The following DPYSL2 variants were observed in gnomAD, a reference collection of about 807,000 sequenced individuals.
DPYSL2 encodes dihydropyrimidinase-related protein 2.
Under a neutral mutation model 69.9 loss-of-function variants are expected in DPYSL2, and 13 were observed. The ratio of observed to expected loss-of-function variants is 0.19; its 90% CI spans 0.12 to 0.30. The LOEUF (loss-of-function observed/expected upper bound fraction) is 0.30. DPYSL2 is among the 10% of genes least tolerant of loss of function. DPYSL2 has a pLI of 1.00. For missense variants in DPYSL2, 587 were observed against 918.9 expected, an observed-to-expected ratio of 0.64 and a Z score of 4.67; for synonymous variants, 326 against 359.1, an observed-to-expected ratio of 0.91 and a Z score of 1.04.
Position 26,648,938 on chromosome 8 carries a change from G to C in DPYSL2, c.1596+1138G>C, listed in dbSNP as rs1381608027. Among the ~76,000 whole-genome samples, 1 of 152,210 alleles carries C rather than the reference G, an allele frequency of 6.6e-6. No homozygotes were observed. Among genetic ancestry groups the C allele is most frequent in the African/African-American group, 2.4e-5 (1 of 41,464 alleles). ...CTCCCTCTCCCACCACCACTCACTGGCTCAGCCTGGCAGCGCAGCCTTATG... is the reference window on the plus strand; with the variant it reads ...CTCCCTCTCCCACCACCACTCACTGCCTCAGCCTGGCAGCGCAGCCTTATG... On this transcript the variant is annotated intron_variant, in intron 11 of 13. Coordinates refer to ENST00000521913, the MANE Select transcript of DPYSL2 (RefSeq NM_001197293.3). This position sits in a 1 kb window ranked among gnomAD's most constrained non-coding sequence, Gnocchi z 4.3.
At chr8:26,528,879 T>C (rs1800430297) in intron 1 of DPYSL2, among the ~76,000 whole-genome samples, 1 of 151,954 alleles carries the variant, frequency 6.6e-6, no homozygotes, top group Non-Finnish European at 1.5e-5. Flanking sequence ...TTGGATAACA[T>C]TGATGGGCCC....
At position 26,657,685 on chromosome 8, in the gene DPYSL2, A is replaced by G. The variant is rs1381521574; in HGVS notation, c.*1979A>G. ...AACAATTTTTGTTTCAATTCTAAGA[A>G]ACACTTGCAGCTCTAGTATTCACTT... On this transcript the variant is annotated 3_prime_UTR_variant, in exon 14 of 14. Transcript: ENST00000521913. The G allele has an allele frequency of 6.6e-6, 1 of 152,630 alleles. No individual in the cohort carries two copies. Among genetic ancestry groups the G allele is most frequent in the African/African-American group, 2.4e-5 (1 of 41,454 alleles). 9.5% of individuals were successfully genotyped at this position (152,630 alleles called of 1,614,324 possible). A position where few individuals can be genotyped will look rare whatever the true frequency, so the allele number is the denominator to read the frequency against.
At position 26,621,445 on chromosome 8, in the gene DPYSL2, C is replaced by T. The variant is rs978975979; in HGVS notation, c.629-2698C>T. On this transcript the variant is annotated intron_variant, in intron 3 of 13. Coordinates refer to ENST00000521913, the MANE Select transcript of DPYSL2 (RefSeq NM_001197293.3). The surrounding 1 kb of genome is among the most constrained non-coding windows in gnomAD (Gnocchi z 4.9). ...AGCTGGTCCGGTTCCCAGGAGAGCC[C>T]CTCCTTTGCTGCTTGACCTGATTGC... 6.6e-6 allele frequency among the ~76,000 whole-genome samples: 1 copy of T among 152,284 alleles called. No homozygotes were observed. Among genetic ancestry groups the T allele is most frequent in the Admixed American group, 6.5e-5 (1 of 15,290 alleles).
At chr8:26,629,045 A>T (rs1407200811) in intron 7 of DPYSL2, among the ~76,000 whole-genome samples, 1 of 152,146 alleles carries the variant, frequency 6.6e-6, no homozygotes, top group Admixed American at 6.5e-5. Context: ...AGGGGAAGGG[A>T]TGAGGCTGGA....
Position 26,514,418 on chromosome 8 carries a change from G to A in DPYSL2, c.93G>A (p.Arg31=). 1.3e-6 allele frequency: 2 copies of A among 1,518,208 alleles called. No homozygotes were observed. The highest frequency in any genetic ancestry group is 2.6e-5 in the East Asian group (1 of 38,706). 94.0% of individuals were successfully genotyped at this position (1,518,208 alleles called of 1,614,324 possible). Residue 31 remains arginine (R), a synonymous_variant, in exon 1 of 14, where the codon CGG becomes CGA. Transcript: ENST00000521913. The surrounding 1 kb of genome is among the most constrained non-coding windows in gnomAD (Gnocchi z 8.4). ...TGGGCTCCGGCAGCCCCAAGCCCCG[G>A]CAGAAATTCTGTGGCATGTTCTGCC... ...KNLGSGSPKP[R]QKFCGMFCPV...
intron 1 of DPYSL2, among the ~76,000 whole-genome samples, chr8:26,527,804 C>CTTTT (rs34631984): frequency 3.0e-5 from 4 of 132,720 alleles, no homozygotes; most frequent in South Asian, 2.3e-4. Context: ...TTTGTTTATC[C>CTTTT]TTTTTTTTTT....
At position 26,578,683 on chromosome 8, in the gene DPYSL2, C is replaced by A. The variant is rs544435619; in HGVS notation, c.355-3286C>A. On this transcript the variant is annotated intron_variant, in intron 1 of 13. Transcript: ENST00000521913. Reference sequence around the variant, plus strand: ...GGGCTGCGTGCTGCGAGGCTGGACTCCTCCAGCAGCGATGGGGAGATGGGG... The same window carrying A: ...GGGCTGCGTGCTGCGAGGCTGGACTACTCCAGCAGCGATGGGGAGATGGGG... 5.7e-5 allele frequency: 52 copies of A among 911,370 alleles called. No individual in the cohort carries two copies. The African/African-American group carries it at 9.3e-4, about 16-fold the overall frequency. 56.5% of individuals were successfully genotyped at this position (911,370 alleles called of 1,614,324 possible). A position where few individuals can be genotyped will look rare whatever the true frequency, so the allele number is the denominator to read the frequency against.
chr8:26,627,988 T>C lies in DPYSL2; in HGVS notation c.1005+48T>C. On this transcript the variant is annotated intron_variant, in intron 7 of 13. Coordinates refer to ENST00000521913, the MANE Select transcript of DPYSL2 (RefSeq NM_001197293.3). This position sits in a 1 kb window ranked among gnomAD's most constrained non-coding sequence, Gnocchi z 6.9. ...GCGTGAATCAGTGTCCCTTGGGCAC[T>C]GTGCAGAGCCTCAGGGAACCTGCTT... is the stretch of plus-strand genomic sequence containing the variant. 6.3e-7 allele frequency: 1 copy of C among 1,585,742 alleles called. No homozygotes were observed. The highest frequency in any genetic ancestry group is 8.6e-7 in the Non-Finnish European group (1 of 1,163,016).
chr8:26,640,106 A>C lies in DPYSL2; in HGVS notation c.1127-3333A>C, dbSNP rs114214677. On this transcript the variant is annotated intron_variant, in intron 8 of 13. Transcript: ENST00000521913. The surrounding 1 kb of genome is among the most constrained non-coding windows in gnomAD (Gnocchi z 4.2). ...GCTGCATATGGAGCTACAGATACTG[A>C]TTTCCCACAGTTCCCACTTTGGATT... Among the ~76,000 whole-genome samples the C allele has an allele frequency of 6.6e-6, 1 of 152,236 alleles. No homozygotes were observed. Among genetic ancestry groups the C allele is most frequent in the East Asian group, 1.9e-4 (1 of 5,184 alleles).
chr8:26,535,484 G>A (rs1387867399), intron 1 of DPYSL2, among the ~76,000 whole-genome samples: 3 of 152,112 alleles, frequency 2.0e-5, no homozygotes, highest in Non-Finnish European at 4.4e-5. Context: ...GTCATACTCT[G>A]ATGTTTCATG....
chr8:26,552,153 A>C (rs1171716254), intron 1 of DPYSL2, among the ~76,000 whole-genome samples: 1 of 152,226 alleles, frequency 6.6e-6, no homozygotes, highest in Non-Finnish European at 1.5e-5. Flanking sequence ...GCCAAGGAAG[A>C]CATCTCAAAA....
At chr8:26,655,071 C>G (rs1200410704) in intron 13 of DPYSL2, among the ~76,000 whole-genome samples, 3 of 151,158 alleles carry the variant, frequency 2.0e-5, no homozygotes, top group Non-Finnish European at 4.4e-5. Flanking sequence ...TGTTCTCAAA[C>G]TCCTGGACTC....
Position 26,582,094 on chromosome 8 carries a change from A to G in DPYSL2, c.443+37A>G. The G allele has an allele frequency of 3.3e-6, 5 of 1,527,484 alleles. No individual in the cohort carries two copies. Among genetic ancestry groups the G allele is most frequent in the Non-Finnish European group, 4.5e-6 (5 of 1,104,298 alleles). 94.6% of individuals were successfully genotyped at this position (1,527,484 alleles called of 1,614,324 possible). On this transcript the variant is annotated intron_variant, in intron 2 of 13. Transcript: ENST00000521913. This position sits in a 1 kb window ranked among gnomAD's most constrained non-coding sequence, Gnocchi z 4.1. ...TCATGATATACAGATGTATTTGAAC[A>G]CTTTCCAGACTTCCCAAGTATTAGA...
intron 1 of DPYSL2, among the ~76,000 whole-genome samples, chr8:26,555,219 C>T (rs1800926767): frequency 6.6e-6 from 1 of 151,940 alleles, no homozygotes; most frequent in African/African-American, 2.4e-5. Context: ...CCCTTCTCAG[C>T]ACTTGTATTT....
intron 3 of DPYSL2, among the ~76,000 whole-genome samples, chr8:26,623,178 A>C (rs1266358403): frequency 6.6e-6 from 1 of 152,202 alleles, no homozygotes; most frequent in African/African-American, 2.4e-5. Context: ...TAGATATTTT[A>C]GGAGCTGAAA....
At position 26,654,540 on chromosome 8, in the gene DPYSL2, G is replaced by A. The variant is rs758423409; in HGVS notation, c.1943-1075G>A. Among the ~76,000 whole-genome samples the A allele has an allele frequency of 2.0e-5, 3 of 152,066 alleles. No homozygotes were observed. Among genetic ancestry groups the A allele is most frequent in the Non-Finnish European group, 2.9e-5 (2 of 68,022 alleles). ...AACTTTACTTTGTTGTAAGTAAAAC[G>A]TGTATAATCATGTCTGTGTTTTCTG... On this transcript the variant is annotated intron_variant, in intron 13 of 13. Transcript: ENST00000521913. This position sits in a 1 kb window ranked among gnomAD's most constrained non-coding sequence, Gnocchi z 5.0.
chr8:26,650,533 G>T lies in DPYSL2; in HGVS notation c.1597-1724G>T, dbSNP rs1201410832. Among the ~76,000 whole-genome samples, 2 of 152,170 alleles carry T rather than the reference G, an allele frequency of 1.3e-5. No individual in the cohort carries two copies. The highest frequency in any genetic ancestry group is 4.8e-5 in the African/African-American group (2 of 41,432). ...GATGAAGAAACTGAAGCTGAGACAG[G>T]ATTAAAGCAATCTCCCCAGAGTCAC... On this transcript the variant is annotated intron_variant, in intron 11 of 13. Transcript: ENST00000521913. This position sits in a 1 kb window ranked among gnomAD's most constrained non-coding sequence, Gnocchi z 5.3.
chr8:26,523,194 C>A (rs953759335), intron 1 of DPYSL2, among the ~76,000 whole-genome samples: 147 of 151,318 alleles, frequency 9.7e-4, no homozygotes, highest in African/African-American at 3.5e-3. Context: ...TTAAAATTTG[C>A]TTTCTAATCC....
At position 26,642,282 on chromosome 8, in the gene DPYSL2, A is replaced by G. The variant is rs1283604684; in HGVS notation, c.1127-1157A>G. 1.3e-5 allele frequency among the ~76,000 whole-genome samples: 2 copies of G among 152,094 alleles called. No homozygotes were observed. Among genetic ancestry groups the G allele is most frequent in the Non-Finnish European group, 2.9e-5 (2 of 67,996 alleles). On this transcript the variant is annotated intron_variant, in intron 8 of 13. Transcript: ENST00000521913. This position sits in a 1 kb window ranked among gnomAD's most constrained non-coding sequence, Gnocchi z 5.3. ...AACTGGGCAATGACTGGAGGGGAGG[A>G]TGGGATTCTCAGGTGAAGGGTGTGA...
Sources: gnomAD v4.1 joint callset for allele counts (sites outside exome capture counted in the v4.1 genomes callset) on GRCh38, gnomAD v4.1.1 for gene constraint, Gnocchi (gnomAD v3.1) non-coding constraint, MANE v1.5 for transcripts, NCBI Gene and HGNC (gene_info 2026-07-23, HGNC 2026-07-21) for gene names.